The following DOT1L variants were observed in gnomAD, a reference collection of about 807,000 sequenced individuals.
The protein encoded by DOT1L is DOT1 like histone lysine methyltransferase, also known as histone-lysine N-methyltransferase, H3 lysine-79 specific.
In DOT1L, 33 loss-of-function variants were observed where a neutral mutation model predicts 153.3. The observed-to-expected ratio is 0.22, with a 90% CI of 0.16 to 0.29. The LOEUF (loss-of-function observed/expected upper bound fraction) is 0.29. DOT1L is among the 10% of genes least tolerant of loss of function. The pLI is 1.00. For missense variants in DOT1L, 1,847 were observed against 2,119.9 expected (o/e 0.87, Z 2.53); for synonymous variants, 1,135 against 965.1 (o/e 1.18, Z -3.26).
At chr19:2,213,753 T>C in intron 17 of DOT1L, 96 bp from the exon 18 acceptor site, 1 of 1,601,754 alleles carries the variant, frequency 6.2e-7, no homozygotes, top group South Asian at 1.1e-5. Flanking sequence ...TGTCCAGCTG[T>C]GTCCCAGGGG....
rs1353641637 is a variant in DOT1L, at chr19:2,207,245, A to G, written c.857-329A>G. 6.6e-6 allele frequency among the ~76,000 whole-genome samples: 1 copy of G among 152,142 alleles called. No individual in the cohort carries two copies. Among genetic ancestry groups the G allele is most frequent in the East Asian group, 1.9e-4 (1 of 5,194 alleles). ...TGAGGGGCTTCCCTGAGGAGCGCCC[A>G]CCCGGGAGGTGCCTGTGTTGCTGGA... is the stretch of plus-strand genomic sequence containing the variant. On this transcript the variant is annotated intron_variant, in intron 10 of 27. Transcript: ENST00000398665. The surrounding 1 kb of genome is among the most constrained non-coding windows in gnomAD (Gnocchi z 4.5).
rs533141348 is a variant in DOT1L, at chr19:2,190,384, G to T, written c.264+589G>T. The stretch of plus-strand genomic sequence containing the variant: ...CTTTCTTGAAGGTCTTGCTGTGGAG[G>T]GAGCCCTGGTGGGGGTGGCATGGGC... On this transcript the variant is annotated intron_variant, in intron 4 of 27. Coordinates refer to ENST00000398665, the MANE Select transcript of DOT1L (RefSeq NM_032482.3). The surrounding 1 kb of genome is among the most constrained non-coding windows in gnomAD (Gnocchi z 4.8). Among the ~76,000 whole-genome samples the T allele has an allele frequency of 2.0e-5, 3 of 152,226 alleles. No individual in the cohort carries two copies. Among genetic ancestry groups the T allele is most frequent in the African/African-American group, 7.2e-5 (3 of 41,516 alleles).
rs1360224617 is a variant in DOT1L at position 2,231,443 on chromosome 19, G to C, written c.*1651G>C. 3.4e-5 allele frequency: 7 copies of C among 205,500 alleles called. No homozygotes were observed. The highest frequency in any genetic ancestry group is 6.0e-5 in the Non-Finnish European group (6 of 100,604). The allele number at this position is 205,500 out of a possible 1,614,324, so 12.7% of individuals were successfully genotyped here. On this transcript the variant is annotated 3_prime_UTR_variant, in exon 28 of 28. Coordinates refer to ENST00000398665, the MANE Select transcript of DOT1L (RefSeq NM_032482.3). ...TGCTAGGTGGGGGAGTCCTGTGTGG[G>C]AGGGCCTGAAGACCCCTGCTTGTGC...
In DOT1L at chr19:2,193,808, G is replaced by A. The variant is rs575027006; in HGVS notation, c.588+25G>A. ...GGTGAGCGGATCTGAGGGCCAGGGT[G>A]TGTTGGAGGCAGGGGACCATCAGAG... On this transcript the variant is annotated intron_variant, in intron 6 of 27. Coordinates refer to ENST00000398665, the MANE Select transcript of DOT1L (RefSeq NM_032482.3). This position sits in a 1 kb window ranked among gnomAD's most constrained non-coding sequence, Gnocchi z 5.9. 1.5e-4 allele frequency: 249 copies of A among 1,609,306 alleles called. 2 individuals carry two copies. In the South Asian group the frequency reaches 1.6e-3, roughly 11 times the overall value.
chr19:2,226,535 C>G lies in DOT1L; in HGVS notation c.4014C>G (p.Pro1338=). The G allele has an allele frequency of 6.2e-7, 1 of 1,600,714 alleles. No homozygotes were observed. The highest frequency in any genetic ancestry group is 8.5e-7 in the Non-Finnish European group (1 of 1,179,596). ...LHSFSDGASL[P]HKGPEAAGLS... ...GCTTCAGTGATGGTGCTTCTCTTCC[C>G]CACAAGGGCCCCGAGGCGGCCGGCC... The change falls in exon 27 of 28, where the codon CCC becomes CCG. Residue 1338 remains proline (P), a synonymous_variant. Coordinates refer to ENST00000398665, the MANE Select transcript of DOT1L (RefSeq NM_032482.3).
intron 1 of DOT1L, among the ~76,000 whole-genome samples, chr19:2,173,308 G>A (rs1325833934): frequency 6.6e-6 from 1 of 152,162 alleles, no homozygotes; most frequent in Non-Finnish European, 1.5e-5. Flanking sequence ...GTGCTCAGAC[G>A]AGGGCGAGGA....
At chr19:2,227,263 C>T (rs1426505916) in intron 27 of DOT1L, 136 bp downstream of exon 27, 1 of 1,166,512 alleles carries the variant, frequency 8.6e-7, no homozygotes, top group East Asian at 2.4e-5. Context: ...CCCCCGCCAT[C>T]CGTGCACGGT....
chr19:2,231,407 G>T lies in DOT1L; in HGVS notation c.*1615G>T, dbSNP rs1015270414. On this transcript the variant is annotated 3_prime_UTR_variant, in exon 28 of 28. Coordinates refer to ENST00000398665, the MANE Select transcript of DOT1L (RefSeq NM_032482.3). ...CTCCAAAGGGAGCCACGGAGGAAAG[G>T]CTTCTGTGGTTGCTAGGTGGGGGAG... The T allele has an allele frequency of 1.5e-5, 3 of 205,006 alleles. No homozygotes were observed. Among genetic ancestry groups the T allele is most frequent in the African/African-American group, 6.9e-5 (3 of 43,618 alleles). The allele number at this position is 205,006 out of a possible 1,614,324, so 12.7% of individuals were successfully genotyped here.
intron 25 of DOT1L, among the ~76,000 whole-genome samples, chr19:2,224,653 A>G (rs2024256607): frequency 6.6e-6 from 1 of 151,638 alleles, no homozygotes; most frequent in Non-Finnish European, 1.5e-5. Context: ...TGTTTTATAG[A>G]GATCGGGTTT....
chr19:2,230,483 G>A lies in DOT1L; in HGVS notation c.*691G>A. On this transcript the variant is annotated 3_prime_UTR_variant, in exon 28 of 28. Transcript: ENST00000398665. ...GCGGTGACGCAGCTGGCCATGTGCTGCGCGATGGTGCTGTGAGGACGGCGC... is the reference window on the plus strand; with the variant it reads ...GCGGTGACGCAGCTGGCCATGTGCTACGCGATGGTGCTGTGAGGACGGCGC... The A allele has an allele frequency of 2.5e-6, 1 of 399,128 alleles. No homozygotes were observed. The allele number at this position is 399,128 out of a possible 1,614,324, so 24.7% of individuals were successfully genotyped here.
At chr19:2,164,479 GC>G (rs2019831983) in intron 1 of DOT1L, 1 of 325,232 alleles carries the variant, frequency 3.1e-6, no homozygotes, top group Non-Finnish European at 5.6e-6. Flanking sequence ...TGGGGTGGGA[GC>G]GGGAGCCGGC....
Position 2,216,996 on chromosome 19 carries a change from C to T in DOT1L, c.2450C>T (p.Pro817Leu). Residue 817 changes from proline to leucine, a missense_variant, in exon 21 of 28, where the codon CCC becomes CTC. Coordinates refer to ENST00000398665, the MANE Select transcript of DOT1L (RefSeq NM_032482.3). ...GAGAACGGCCTTCCCTACCAGAGCC[C>T]CAGCGTGCCTGGCAGCATGAAGCTG... ...TKENGLPYQS[P>L]SVPGSMKLSP... The T allele has an allele frequency of 6.2e-7, 1 of 1,613,138 alleles. No individual in the cohort carries two copies. The highest frequency in any genetic ancestry group is 8.5e-7 in the Non-Finnish European group (1 of 1,179,868).
At chr19:2,164,770 G>T (rs1181472870) in intron 1 of DOT1L, among the ~76,000 whole-genome samples, 2 of 152,174 alleles carry the variant, frequency 1.3e-5, no homozygotes, top group Non-Finnish European at 2.9e-5. Context: ...GTCCCCTTGA[G>T]TGGGCGGGAG....
intron 2 of DOT1L, among the ~76,000 whole-genome samples, chr19:2,182,768 C>T (rs78907979): frequency 0.042 from 6,452 of 152,236 alleles, 205 homozygotes; most frequent in East Asian, 0.13. Flanking sequence ...TCAGAGGAGA[C>T]CCCAGGCCCC....
chr19:2,195,032 G>C (rs993711508), intron 7 of DOT1L, among the ~76,000 whole-genome samples: 3 of 152,150 alleles, frequency 2.0e-5, no homozygotes, highest in African/African-American at 7.2e-5. Flanking sequence ...GCCCTGTTGT[G>C]ATGCAGTCTC....
rs532348213 is a variant in DOT1L, at chr19:2,213,833, C to G, written c.1660-16C>G. 5 of 1,612,818 alleles carry G rather than the reference C, an allele frequency of 3.1e-6. No individual in the cohort carries two copies. The highest frequency in any genetic ancestry group is 4.2e-6 in the Non-Finnish European group (5 of 1,179,906). On this transcript the variant is annotated splice_polypyrimidine_tract_variant and intron_variant, in intron 17 of 27. Transcript: ENST00000398665. ...GAGGCCACCAGCATGACCTCTCCCC[C>G]GCCCCATGTCCCCAGCTGGGTGTGA...
rs769800200 is a variant in DOT1L at position 2,222,285 on chromosome 19, G to A, written c.3116G>A (p.Ser1039Asn). 1.2e-6 allele frequency: 2 copies of A among 1,613,024 alleles called. No individual in the cohort carries two copies. The highest frequency in any genetic ancestry group is 2.2e-5 in the East Asian group (1 of 44,890). The change falls in exon 24 of 28, where the codon AGT becomes AAT. Residue 1039 changes from serine (S) to asparagine (N), a missense_variant. Ser to Asn is a conservative substitution (Grantham distance 46, BLOSUM62 1). Coordinates refer to ENST00000398665, the MANE Select transcript of DOT1L (RefSeq NM_032482.3). The surrounding 1 kb of genome is among the most constrained non-coding windows in gnomAD (Gnocchi z 6.5). ...GATTCCGGCTTCTCAGATCCTGAGA[G>A]TGAAGCCAAGAGGAGGATTGTGTTC... is the stretch of plus-strand genomic sequence containing the variant. ...PSDSGFSDPE[S>N]EAKRRIVFTI...
Position 2,222,630 on chromosome 19 carries a change from G to A in DOT1L, c.3390+71G>A. ...AAAGACCAGAGGGAGACCGGGCGCG[G>A]TGGCTCACGCCTGTAATCCCAGCAT... On this transcript the variant is annotated intron_variant, in intron 24 of 27. Coordinates refer to ENST00000398665, the MANE Select transcript of DOT1L (RefSeq NM_032482.3). The surrounding 1 kb of genome is among the most constrained non-coding windows in gnomAD (Gnocchi z 6.5). The A allele has an allele frequency of 7.1e-7, 1 of 1,405,730 alleles. No individual in the cohort carries two copies. Among genetic ancestry groups the A allele is most frequent in the Non-Finnish European group, 9.4e-7 (1 of 1,063,408 alleles). The allele number at this position is 1,405,730 out of a possible 1,614,324, so 87.1% of individuals were successfully genotyped here.
intron 1 of DOT1L, 64 bp downstream of exon 1, chr19:2,164,329 C>T: frequency 2.7e-6 from 3 of 1,115,442 alleles, no homozygotes; most frequent in South Asian, 4.4e-5. Flanking sequence ...CCTGGGGACA[C>T]CCCAAACCCC....
Sources: gnomAD v4.1 joint callset for allele counts (sites outside exome capture counted in the v4.1 genomes callset) on GRCh38, gnomAD v4.1.1 for gene constraint, Gnocchi (gnomAD v3.1) non-coding constraint, MANE v1.5 for transcripts, NCBI Gene and HGNC (gene_info 2026-07-23, HGNC 2026-07-21) for gene names.